ARHGAP10: variants seen among roughly 807,000 people sequenced by gnomAD.
The protein encoded by ARHGAP10 is rho GTPase-activating protein 10.
A neutral mutation model predicts 108.6 loss-of-function variants in ARHGAP10; 87 were observed. That is an observed-to-expected ratio of 0.80 (90% CI 0.67 to 0.96). ARHGAP10 has a LOEUF of 0.96. Ranked by LOEUF, ARHGAP10 falls within the 40% of genes least tolerant of loss-of-function variation. ARHGAP10 has a pLI of 0.00. For missense variants in ARHGAP10, 939 were observed against 954.5 expected (o/e 0.98, Z 0.21); for synonymous variants, 347 against 341.1 (o/e 1.02, Z -0.19).
In ARHGAP10 at chr4:147,875,057, G is replaced by C. The variant is rs1735003227; in HGVS notation, c.739G>C (p.Glu247Gln). Residue 247 changes from glutamate (E) to glutamine (Q), a missense_variant, in exon 8 of 23, where the codon GAA becomes CAA. Glu to Gln is a conservative substitution (Grantham distance 29). Coordinates refer to ENST00000336498, the MANE Select transcript of ARHGAP10 (RefSeq NM_024605.4). ...ATTTGAAGGAACAAGGTCAGAAGTG[G>C]AAGAGCTCATGAACAAAATCAGACA... Reference protein sequence around the residue: ...NRFEGTRSEVEELMNKIRQNP... With the variant: ...NRFEGTRSEVQELMNKIRQNP... 1.9e-6 allele frequency: 3 copies of C among 1,607,674 alleles called. No individual in the cohort carries two copies. The highest frequency in any genetic ancestry group is 2.5e-6 in the Non-Finnish European group (3 of 1,178,484).
At chr4:148,023,097 A>C in intron 18 of ARHGAP10, 166 bp from the exon 19 acceptor site, 1 of 606,254 alleles carries the variant, frequency 1.6e-6, no homozygotes, top group African/African-American at 1.8e-5. Context: ...TTCTGTTAAA[A>C]AAATAAAAGG....
chr4:147,938,383 A>G (rs1237102354), intron 13 of ARHGAP10, among the ~76,000 whole-genome samples: 2 of 152,206 alleles, frequency 1.3e-5, no homozygotes, highest in Non-Finnish European at 2.9e-5. Context: ...AAAATAGTAT[A>G]TGTAACTATA....
chr4:147,833,968 G>A (rs941937785), intron 3 of ARHGAP10, among the ~76,000 whole-genome samples: 1 of 152,166 alleles, frequency 6.6e-6, no homozygotes, highest in East Asian at 1.9e-4. Flanking sequence ...GTACAGTTGT[G>A]TTAGTGTGAA....
chr4:147,820,669 C>A (rs957012085), intron 1 of ARHGAP10, among the ~76,000 whole-genome samples: 2 of 136,616 alleles, frequency 1.5e-5, no homozygotes, highest in African/African-American at 5.6e-5. Context: ...TGGCTCACTG[C>A]AACTTTCTCC....
At chr4:147,950,344 C>T (rs1488518776) in intron 15 of ARHGAP10, among the ~76,000 whole-genome samples, 1 of 152,030 alleles carries the variant, frequency 6.6e-6, no homozygotes, top group Non-Finnish European at 1.5e-5. Flanking sequence ...GGGTTCTGGC[C>T]CAAGCAAGTG....
At chr4:147,915,581 T>C (rs1333714662) in intron 13 of ARHGAP10, among the ~76,000 whole-genome samples, 5 of 152,206 alleles carry the variant, frequency 3.3e-5, no homozygotes, top group Admixed American at 6.5e-5. Flanking sequence ...CATAAATATA[T>C]ATTGGAATCT....
chr4:147,832,104 C>CCACA (rs1280820183), intron 3 of ARHGAP10, among the ~76,000 whole-genome samples: 12 of 151,762 alleles, frequency 7.9e-5, no homozygotes, highest in Non-Finnish European at 1.5e-4. Context: ...ACACACCCAC[C>CCACA]CACACACACA....
chr4:147,837,649 T>TG (rs1560783266), intron 3 of ARHGAP10, among the ~76,000 whole-genome samples: 6 of 132,132 alleles, frequency 4.5e-5, no homozygotes, highest in South Asian at 5.7e-4. Flanking sequence ...CACTGTTTTT[T>TG]TTTTTTTTTT....
chr4:147,887,813 G>C (rs1329907900), intron 10 of ARHGAP10, among the ~76,000 whole-genome samples: 1 of 151,394 alleles, frequency 6.6e-6, no homozygotes, highest in Admixed American at 6.6e-5. Flanking sequence ...AGTGAGCTGA[G>C]ATGGCACCAC....
chr4:147,774,149 C>T (rs569275420), intron 1 of ARHGAP10, among the ~76,000 whole-genome samples: 1 of 151,870 alleles, frequency 6.6e-6, no homozygotes, highest in Non-Finnish European at 1.5e-5. Flanking sequence ...TAGTGCCTGG[C>T]ACATAGTTAG....
intron 20 of ARHGAP10, among the ~76,000 whole-genome samples, chr4:148,048,974 TA>T (rs1329685814): frequency 6.6e-6 from 1 of 151,686 alleles, no homozygotes; most frequent in African/African-American, 2.4e-5. Context: ...TTTTTTTTTT[TA>T]ATGGAGACTT....
At chr4:147,847,355 T>C (rs746937413) in intron 4 of ARHGAP10, 133 bp downstream of exon 4, 13 of 849,396 alleles carry the variant, frequency 1.5e-5, no homozygotes, top group Non-Finnish European at 1.8e-5. Flanking sequence ...AAATGTGCTT[T>C]TCCCCCTTTG....
chr4:148,069,322 C>T (rs1730049209), intron 22 of ARHGAP10, among the ~76,000 whole-genome samples: 1 of 152,156 alleles, frequency 6.6e-6, no homozygotes, highest in Non-Finnish European at 1.5e-5. Flanking sequence ...TTGGATGTTA[C>T]AGGATCCCCC....
At chr4:148,054,484 G>A (rs6827412) in intron 20 of ARHGAP10, among the ~76,000 whole-genome samples, 92,639 of 152,108 alleles carry the variant, frequency 0.61, 28,501 homozygotes, top group East Asian at 0.83. Flanking sequence ...TGAGAATGTA[G>A]TTTAATATTC....
chr4:147,818,819 T>C, intron 1 of ARHGAP10, among the ~76,000 whole-genome samples: 1 of 152,096 alleles, frequency 6.6e-6, no homozygotes. Flanking sequence ...AAATTTAAAA[T>C]GTATAAAGTA....
intron 1 of ARHGAP10, among the ~76,000 whole-genome samples, chr4:147,818,944 C>G (rs1200830307): frequency 6.6e-6 from 1 of 151,816 alleles, no homozygotes; most frequent in Non-Finnish European, 1.5e-5. Context: ...GAGGAGATCA[C>G]CAGAAAGGGG....
intron 10 of ARHGAP10, among the ~76,000 whole-genome samples, chr4:147,892,172 T>G (rs1472572169): frequency 6.6e-6 from 1 of 151,526 alleles, no homozygotes; most frequent in Non-Finnish European, 1.5e-5. Flanking sequence ...TATTTATATT[T>G]TTATGTTGAG....
intron 8 of ARHGAP10, among the ~76,000 whole-genome samples, chr4:147,877,367 A>G (rs1735116920): frequency 6.6e-6 from 1 of 152,154 alleles, no homozygotes; most frequent in Non-Finnish European, 1.5e-5. Flanking sequence ...GTCTGAGATA[A>G]AATTGATAGT....
rs1222453394 is a variant in ARHGAP10 at position 147,839,762 on chromosome 4, T to C, written c.313-7389T>C. Reference sequence around the variant, plus strand: ...GTTGGTTGTTATTCTCAACAGATTTTTTAGCTCTAGCGTGGACTGTGGAGG... The same window carrying C: ...GTTGGTTGTTATTCTCAACAGATTTCTTAGCTCTAGCGTGGACTGTGGAGG... On this transcript the variant is annotated intron_variant, in intron 3 of 22. Coordinates refer to ENST00000336498, the MANE Select transcript of ARHGAP10 (RefSeq NM_024605.4). 2.0e-5 allele frequency among the ~76,000 whole-genome samples: 3 copies of C among 152,198 alleles called. No homozygotes were observed. The East Asian group carries it at 5.8e-4, about 29-fold the overall frequency.
Sources: gnomAD v4.1 joint callset for allele counts (sites outside exome capture counted in the v4.1 genomes callset) on GRCh38, gnomAD v4.1.1 for gene constraint, MANE v1.5 for transcripts, NCBI Gene and HGNC (gene_info 2026-07-23, HGNC 2026-07-21) for gene names.